The following PLXDC2 variants were observed in gnomAD, a reference collection of about 807,000 sequenced individuals.
PLXDC2 encodes the protein plexin domain-containing protein 2.
PLXDC2 carries 40 observed loss-of-function variants against 68.9 expected under a neutral mutation model. The observed-to-expected ratio is 0.58, with a 90% CI of 0.45 to 0.76. PLXDC2 has a LOEUF of 0.76. Ranked by LOEUF, PLXDC2 falls within the 30% of genes least tolerant of loss-of-function variation. The pLI, the probability that PLXDC2 is intolerant of heterozygous loss-of-function variation, is 0.00. For missense variants in PLXDC2, 644 were observed against 661.9 expected (o/e 0.97, Z 0.30); for synonymous variants, 243 against 234.2 (o/e 1.04, Z -0.34).
At chr10:19,887,061 A>G (rs1403605958) in intron 1 of PLXDC2, among the ~76,000 whole-genome samples, 1 of 152,222 alleles carries the variant, frequency 6.6e-6, no homozygotes, top group Non-Finnish European at 1.5e-5. Context: ...AGGGACACCT[A>G]CAGGTTCCCA....
intron 1 of PLXDC2, among the ~76,000 whole-genome samples, chr10:19,874,828 G>A: frequency 6.6e-6 from 1 of 152,020 alleles, no homozygotes; most frequent in East Asian, 1.9e-4. Context: ...AGGGGACCCG[G>A]GGGATATCTG....
chr10:19,990,502 G>A (rs1165561370), intron 1 of PLXDC2, among the ~76,000 whole-genome samples: 1 of 21,708 alleles, frequency 4.6e-5, no homozygotes, highest in South Asian at 1.9e-3. Context: ...AAGAGAAGCC[G>A]CTGGATTCTA....
intron 5 of PLXDC2, among the ~76,000 whole-genome samples, chr10:20,145,940 C>A (rs892044598): frequency 1.3e-5 from 2 of 152,072 alleles, no homozygotes; most frequent in Admixed American, 6.5e-5. Flanking sequence ...ATTTATATAG[C>A]CCTCTTATTT....
chr10:20,189,302 G>A (rs1043339369), intron 9 of PLXDC2, among the ~76,000 whole-genome samples: 2 of 149,564 alleles, frequency 1.3e-5, no homozygotes, highest in South Asian at 4.2e-4. Context: ...CTAATAACAG[G>A]GCTTCCCTTT....
chr10:19,904,970 A>G (rs1460077307), intron 1 of PLXDC2, among the ~76,000 whole-genome samples: 4 of 152,178 alleles, frequency 2.6e-5, no homozygotes, highest in Non-Finnish European at 5.9e-5. Context: ...TCCCTCCACA[A>G]TGTGTGCTAG....
intron 1 of PLXDC2, among the ~76,000 whole-genome samples, chr10:19,879,588 C>T (rs1837693234): frequency 6.6e-6 from 1 of 152,178 alleles, no homozygotes; most frequent in African/African-American, 2.4e-5. Flanking sequence ...GAAGGCCTTG[C>T]ATTGCAGACT....
intron 1 of PLXDC2, among the ~76,000 whole-genome samples, chr10:19,833,997 T>G (rs998844125): frequency 6.6e-6 from 1 of 151,794 alleles, no homozygotes; most frequent in Non-Finnish European, 1.5e-5. Flanking sequence ...AGTGTTTTGG[T>G]TGAGTCTAGC....
chr10:20,116,261 T>C (rs538360112), intron 4 of PLXDC2, among the ~76,000 whole-genome samples: 258 of 152,304 alleles, frequency 1.7e-3, no homozygotes, highest in African/African-American at 5.1e-3. Flanking sequence ...AAGATTCTTT[T>C]TCCCCCCCGG....
At chr10:20,089,128 T>C (rs1370740021) in intron 4 of PLXDC2, among the ~76,000 whole-genome samples, 3 of 151,290 alleles carry the variant, frequency 2.0e-5, no homozygotes, top group African/African-American at 7.3e-5. Context: ...ATAAGTAAAA[T>C]TTAAAGGTCT....
intron 12 of PLXDC2, among the ~76,000 whole-genome samples, chr10:20,220,882 G>A (rs116164385): frequency 9.7e-6 from 1 of 103,626 alleles, no homozygotes; most frequent in Non-Finnish European, 1.9e-5. Flanking sequence ...ACTTGTTGTT[G>A]CCCAGGCTGG....
Position 20,084,044 on chromosome 10 carries a change from C to T in PLXDC2, c.541+15805C>T, listed in dbSNP as rs554568805. On this transcript the variant is annotated intron_variant, in intron 4 of 13. Transcript: ENST00000377252. ...ATAACTACAAACTAAAAACAGATTC[C>T]CCAGACTAAGGAGAAACAGGAAAAT... Among the ~76,000 whole-genome samples the T allele has an allele frequency of 2.6e-4, 40 of 152,196 alleles. No homozygotes were observed. In the East Asian group the frequency reaches 7.0e-3, roughly 26 times the overall value.
chr10:20,259,187 C>T (rs1028185138), intron 13 of PLXDC2, among the ~76,000 whole-genome samples: 9 of 152,130 alleles, frequency 5.9e-5, no homozygotes, highest in Admixed American at 4.6e-4. Context: ...CATCTCAGCA[C>T]ATAGCAGAAC....
intron 1 of PLXDC2, among the ~76,000 whole-genome samples, chr10:19,972,375 A>G (rs1172660241): frequency 6.6e-6 from 1 of 152,188 alleles, no homozygotes; most frequent in East Asian, 1.9e-4. Context: ...TTATCACTCA[A>G]AAGTGGGAGC....
intron 4 of PLXDC2, among the ~76,000 whole-genome samples, chr10:20,106,829 T>G (rs1197472285): frequency 1.3e-5 from 2 of 152,002 alleles, no homozygotes; most frequent in African/African-American, 4.8e-5. Flanking sequence ...CCACATATGT[T>G]ATATGCTTTT....
chr10:20,081,134 A>G (rs1836549481), intron 4 of PLXDC2, among the ~76,000 whole-genome samples: 1 of 152,176 alleles, frequency 6.6e-6, no homozygotes, highest in Non-Finnish European at 1.5e-5. Context: ...AGACCTTCCT[A>G]GGACCTTATC....
chr10:20,232,585 G>A (rs1835379544), intron 12 of PLXDC2, among the ~76,000 whole-genome samples: 1 of 152,154 alleles, frequency 6.6e-6, no homozygotes, highest in Admixed American at 6.5e-5. Flanking sequence ...TAAAACAGAT[G>A]CGTCCTAAAA....
chr10:20,168,383 A>G (rs1834402095), intron 7 of PLXDC2, among the ~76,000 whole-genome samples: 2 of 152,260 alleles, frequency 1.3e-5, no homozygotes, highest in African/African-American at 4.8e-5. Flanking sequence ...TTTTTCCATC[A>G]TCGTTATCAC....
chr10:20,226,059 G>T (rs1835282054), intron 12 of PLXDC2, among the ~76,000 whole-genome samples: 1 of 152,096 alleles, frequency 6.6e-6, no homozygotes, highest in African/African-American at 2.4e-5. Flanking sequence ...ATGGATATTT[G>T]ACCAAAAGAA....
intron 13 of PLXDC2, among the ~76,000 whole-genome samples, chr10:20,246,369 C>T (rs2778977): frequency 0.87 from 132,506 of 152,238 alleles, 58,122 homozygotes; most frequent in Middle Eastern, 0.94. Flanking sequence ...TTGTTTGTTT[C>T]TTGACAGTCT....
Sources: allele counts gnomAD v4.1 joint callset (sites outside exome capture counted in the v4.1 genomes callset), GRCh38; gene constraint gnomAD v4.1.1; transcripts MANE v1.5; gene names NCBI Gene and HGNC (gene_info 2026-07-23, HGNC 2026-07-21).